IL15: variants seen among roughly 807,000 people sequenced by gnomAD.
The protein encoded by IL15 is interleukin-15.
A neutral mutation model predicts 19.6 loss-of-function variants in IL15; 11 were observed. The observed-to-expected ratio is 0.56, with a 90% CI of 0.35 to 0.93. The LOEUF is 0.93. Ranked by LOEUF, IL15 falls within the 40% of genes least tolerant of loss-of-function variation. IL15 has a pLI of 0.01. For missense variants in IL15, 197 were observed against 186.5 expected, an observed-to-expected ratio of 1.06 and a Z score of -0.33; for synonymous variants, 58 against 59.6, an observed-to-expected ratio of 0.97 and a Z score of 0.12.
chr4:141,723,220 A>G (rs1730147819), intron 5 of IL15, among the ~76,000 whole-genome samples: 1 of 152,212 alleles, frequency 6.6e-6, no homozygotes. Context: ...TGTCCCCCCA[A>G]ATTTCACATC....
intron 2 of IL15, among the ~76,000 whole-genome samples, chr4:141,658,827 T>G (rs1269773146): frequency 6.6e-6 from 1 of 151,368 alleles, no homozygotes; most frequent in Non-Finnish European, 1.5e-5. Context: ...ACCCCTTAAC[T>G]TCATAAACTT....
At chr4:141,663,472 C>T (rs1727859312) in intron 2 of IL15, among the ~76,000 whole-genome samples, 1 of 152,178 alleles carries the variant, frequency 6.6e-6, no homozygotes, top group Admixed American at 6.5e-5. Flanking sequence ...CATTTTCATA[C>T]TGGTCTTTTT....
chr4:141,642,085 C>G (rs1727064300), intron 1 of IL15, among the ~76,000 whole-genome samples: 2 of 151,730 alleles, frequency 1.3e-5, no homozygotes, highest in South Asian at 4.2e-4. Context: ...ATATATCATA[C>G]AACTAGATAT....
intron 2 of IL15, among the ~76,000 whole-genome samples, chr4:141,695,272 C>CTTTTTTT (rs34115620): frequency 1.6e-5 from 1 of 62,562 alleles, no homozygotes; most frequent in Non-Finnish European, 2.7e-5. Flanking sequence ...TCTATGATAC[C>CTTTTTTT]TTTTTTTTTT....
At chr4:141,706,057 G>C (rs973349506) in intron 2 of IL15, among the ~76,000 whole-genome samples, 7 of 151,384 alleles carry the variant, frequency 4.6e-5, no homozygotes, top group Admixed American at 6.6e-5. Context: ...TATATTCAAG[G>C]TTATTATTGA....
At chr4:141,694,100 C>G (rs1398988667) in intron 2 of IL15, among the ~76,000 whole-genome samples, 1 of 152,128 alleles carries the variant, frequency 6.6e-6, no homozygotes, top group Non-Finnish European at 1.5e-5. Flanking sequence ...TAGGTAGTGG[C>G]ACAGTTTATC....
chr4:141,691,927 C>A (rs1449239894), intron 2 of IL15, among the ~76,000 whole-genome samples: 1 of 152,234 alleles, frequency 6.6e-6, no homozygotes, highest in Non-Finnish European at 1.5e-5. Flanking sequence ...GGGCTCCAAC[C>A]CCACAATTCC....
intron 2 of IL15, among the ~76,000 whole-genome samples, chr4:141,686,579 A>G (rs1362296062): frequency 1.3e-5 from 2 of 152,106 alleles, no homozygotes; most frequent in Non-Finnish European, 2.9e-5. Context: ...GACAGTGCCT[A>G]CCTCATACGG....
At chr4:141,709,557 AAAC>A (rs1729644295) in intron 2 of IL15, among the ~76,000 whole-genome samples, 1 of 151,958 alleles carries the variant, frequency 6.6e-6, no homozygotes, top group South Asian at 2.1e-4. Context: ...AAATGCTACA[AAAC>A]AACGATTTTT....
intron 1 of IL15, among the ~76,000 whole-genome samples, chr4:141,642,777 TACATGAATTCA>T (rs1368762428): frequency 6.6e-6 from 1 of 152,232 alleles, no homozygotes; most frequent in Non-Finnish European, 1.5e-5. Context: ...TTTTCTCCCT[TACATGAATTCA>T]TTTGGTGCTG....
chr4:141,706,012 A>G (rs1478550815), intron 2 of IL15, among the ~76,000 whole-genome samples: 1 of 151,460 alleles, frequency 6.6e-6, no homozygotes, highest in Non-Finnish European at 1.5e-5. Context: ...TCATTCAGCC[A>G]CTCTCTATCT....
At chr4:141,695,493 G>A (rs1729062564) in intron 2 of IL15, among the ~76,000 whole-genome samples, 1 of 151,806 alleles carries the variant, frequency 6.6e-6, no homozygotes, top group Admixed American at 6.6e-5. Context: ...GAGACTTAAG[G>A]TTGTTTCCAC....
In IL15 at chr4:141,727,837, TA is replaced by T. The variant is rs985114112; in HGVS notation, c.196-96del. On this transcript the variant is annotated intron_variant, in intron 5 of 7. Transcript: ENST00000320650. ...ATATGAATTTTAAATTATCTCAAAATAAAAAAAGAATTAAAAACAATTTAAT... is the reference window on the plus strand; with the variant it reads ...ATATGAATTTTAAATTATCTCAAAATAAAAAAGAATTAAAAACAATTTAAT... 32 of 652,416 alleles carry T rather than the reference TA, an allele frequency of 4.9e-5. 1 individual carries two copies. The Admixed American group carries it at 5.1e-4, about 10-fold the overall frequency. 40.4% of individuals were successfully genotyped at this position (652,416 alleles called of 1,614,324 possible).
chr4:141,636,790 T>G lies in IL15; in HGVS notation c.-222+42T>G, dbSNP rs577192542. 7.6e-3 allele frequency: 1,153 copies of G among 152,144 alleles called. 4 individuals are homozygous for G. Among genetic ancestry groups the G allele is most frequent in the Non-Finnish European group, 0.011 (783 of 68,112 alleles). 9.4% of individuals were successfully genotyped at this position (152,144 alleles called of 1,614,324 possible). A position where few individuals can be genotyped will look rare whatever the true frequency, so the allele number is the denominator to read the frequency against. Reference sequence around the variant, plus strand: ...CTTTGCCTTGGGAGGGGAGTGGTGGTGGTTGAAAGGGCGATGGAATTTTCC... The same window carrying G: ...CTTTGCCTTGGGAGGGGAGTGGTGGGGGTTGAAAGGGCGATGGAATTTTCC... On this transcript the variant is annotated intron_variant, in intron 1 of 7. Coordinates refer to ENST00000320650, the MANE Select transcript of IL15 (RefSeq NM_000585.5).
At chr4:141,723,592 T>A (rs71608454) in intron 5 of IL15, among the ~76,000 whole-genome samples, 1 of 152,174 alleles carries the variant, frequency 6.6e-6, no homozygotes, top group Non-Finnish European at 1.5e-5. Context: ...ATTTCTGTTG[T>A]TTTAAACCAC....
intron 1 of IL15, among the ~76,000 whole-genome samples, chr4:141,655,438 A>T (rs1205679296): frequency 6.6e-6 from 1 of 152,128 alleles, no homozygotes; most frequent in African/African-American, 2.4e-5. Flanking sequence ...TTTAAACTGA[A>T]TGTAAGTTTT....
rs1276389041 is a variant in IL15 at position 141,709,003 on chromosome 4, A to ATTCAATATTATTCAATATTGAAAATT, written c.-99-10301_-99-10276dup. The stretch of plus-strand genomic sequence containing the variant: ...GCTATTCTTTTATTATTAATTTGTA[A>ATTCAATATTATTCAATATTGAAAATT]TTCAATATTATTCAATATTGAAAAT... On this transcript the variant is annotated intron_variant, in intron 2 of 7. Transcript: ENST00000320650. 2.3e-3 allele frequency among the ~76,000 whole-genome samples: 313 copies of ATTCAATATTATTCAATATTGAAAATT among 136,208 alleles called. 12 individuals are homozygous for ATTCAATATTATTCAATATTGAAAATT. The highest frequency in any genetic ancestry group is 6.7e-3 in the African/African-American group (228 of 33,922). 89.4% of individuals were successfully genotyped at this position (136,208 alleles called of 152,430 possible). A position where few individuals can be genotyped will look rare whatever the true frequency, so the allele number is the denominator to read the frequency against.
chr4:141,690,793 A>G (rs1256082245), intron 2 of IL15, among the ~76,000 whole-genome samples: 3 of 152,184 alleles, frequency 2.0e-5, no homozygotes, highest in East Asian at 3.9e-4. Flanking sequence ...TTCATTTTCC[A>G]TATTACCGCC....
At chr4:141,670,458 A>T (rs1025208873) in intron 2 of IL15, among the ~76,000 whole-genome samples, 1 of 152,190 alleles carries the variant, frequency 6.6e-6, no homozygotes, top group Non-Finnish European at 1.5e-5. Context: ...AATTAACCAA[A>T]TGAATGGCAC....
Sources: allele counts gnomAD v4.1 joint callset (sites outside exome capture counted in the v4.1 genomes callset), GRCh38; gene constraint gnomAD v4.1.1; transcripts MANE v1.5; gene names NCBI Gene and HGNC (gene_info 2026-07-23, HGNC 2026-07-21).